Variants in LRP2 observed in about 807,000 individuals in gnomAD.
LRP2 encodes low-density lipoprotein receptor-related protein 2.
In LRP2, 172 loss-of-function variants were observed where a neutral mutation model predicts 531.0. The observed-to-expected ratio is 0.32, with a 90% CI of 0.29 to 0.37. The LOEUF is 0.37. Among genes scored for constraint, LRP2 ranks in the 10% least tolerant of loss-of-function variants. LRP2 has a pLI of 1.00. For synonymous variants in LRP2, 1,992 were observed against 2,027.6 expected, an observed-to-expected ratio of 0.98 and a Z score of 0.47; for missense variants, 5,167 against 5,868.3, an observed-to-expected ratio of 0.88 and a Z score of 3.90.
At chr2:169,315,600 C>T (rs1684736865) in intron 3 of LRP2, among the ~76,000 whole-genome samples, 2 of 152,148 alleles carry the variant, frequency 1.3e-5, no homozygotes, top group African/African-American at 2.4e-5. Flanking sequence ...GCAAGAATAG[C>T]AAATGATAGA....
rs1267326056 is a variant in LRP2 at position 169,206,654 on chromosome 2, G to A, written c.7066C>T (p.Leu2356Phe). 1 of 1,614,058 alleles carries A rather than the reference G, an allele frequency of 6.2e-7. No homozygotes were observed. The highest frequency in any genetic ancestry group is 1.3e-5 in the African/African-American group (1 of 74,924). Residue 2356 changes from leucine to phenylalanine, a missense_variant, in exon 39 of 79, where the codon CTC becomes TTC. Leu to Phe is a conservative substitution (Grantham distance 22). This residue lies in a region of LRP2 where 2,811 missense variants were observed against 3,058.0 expected (regional missense o/e 0.92). Transcript: ENST00000649046. ...TGCAATCCAGGCAGAGCAAAGCAGA[G>A]ATGAGAGCACCCACCATTGTTTTCC... ...CLENNGGCSHLCFALPGLHTP... is the reference protein window; with the variant it reads ...CLENNGGCSHFCFALPGLHTP...
chr2:169,149,247 T>A (rs1686035911), intron 68 of LRP2, among the ~76,000 whole-genome samples: 1 of 152,236 alleles, frequency 6.6e-6, no homozygotes, highest in Admixed American at 6.5e-5. Flanking sequence ...GAATAAATGT[T>A]GGCACTTCTC....
At position 169,139,259 on chromosome 2, in the gene LRP2, C is replaced by G. The variant is rs769261622; in HGVS notation, c.13380G>C (p.Lys4460Asn). The part of the protein sequence containing the change: ...RTGSLLPALP[K>N]LPSLSSLVKP... Reference sequence around the variant, plus strand: ...CCCATAATGAAACTGACCTTGGCAGCTTGGGCAGAGCAGGCAAAAGGGAGC... The same window carrying G: ...CCCATAATGAAACTGACCTTGGCAGGTTGGGCAGAGCAGGCAAAAGGGAGC... The change falls in exon 74 of 79, where the codon AAG (lysine) becomes AAC (asparagine). Residue 4460 changes from lysine to asparagine, a missense_variant. Around this residue, in one of 6 missense-constraint regions of LRP2, gnomAD observed 348 missense variants for 369.3 expected, o/e 0.94. Coordinates refer to ENST00000649046, the MANE Select transcript of LRP2 (RefSeq NM_004525.3). 4.2e-5 allele frequency: 68 copies of G among 1,614,054 alleles called. No individual in the cohort carries two copies. Among genetic ancestry groups the G allele is most frequent in the Non-Finnish European group, 5.6e-5 (66 of 1,180,020 alleles).
At chr2:169,165,653 T>C (rs1343595043) in intron 62 of LRP2, among the ~76,000 whole-genome samples, 1 of 152,218 alleles carries the variant, frequency 6.6e-6, no homozygotes, top group Non-Finnish European at 1.5e-5. Flanking sequence ...CAGTTTCTTA[T>C]GAGAAAAGAG....
At chr2:169,172,496 A>C (rs1357032653) in intron 57 of LRP2, among the ~76,000 whole-genome samples, 1 of 152,242 alleles carries the variant, frequency 6.6e-6, no homozygotes, top group Non-Finnish European at 1.5e-5. Flanking sequence ...AGAATTTAGT[A>C]TCTTCCTTAC....
In LRP2 at chr2:169,194,393, A is replaced by G. The variant is rs572137570; in HGVS notation, c.8699-501T>C. Among the ~76,000 whole-genome samples, 3 of 152,306 alleles carry G rather than the reference A, an allele frequency of 2.0e-5. No homozygotes were observed. The East Asian group carries it at 5.8e-4, about 29-fold the overall frequency. ...CTCCCCTCTTTAGAATATTAGCTCC[A>G]TGTGGGTAGGGATTGTTGTCTTATT... On this transcript the variant is annotated intron_variant, in intron 46 of 78. Transcript: ENST00000649046.
chr2:169,288,710 G>A (rs1286239427), intron 9 of LRP2, among the ~76,000 whole-genome samples: 1 of 152,136 alleles, frequency 6.6e-6, no homozygotes, highest in Non-Finnish European at 1.5e-5. Context: ...TAACCAGTAT[G>A]GCTGCACCAA....
intron 61 of LRP2, among the ~76,000 whole-genome samples, chr2:169,168,224 C>G (rs1373477398): frequency 6.6e-6 from 1 of 151,334 alleles, no homozygotes; most frequent in Non-Finnish European, 1.5e-5. Flanking sequence ...ACAGCCTCCT[C>G]CCTACCCTTC....
At position 169,193,847 on chromosome 2, in the gene LRP2, C is replaced by T. The variant is rs911864785; in HGVS notation, c.8744G>A (p.Gly2915Asp). Residue 2915 changes from glycine (G) to aspartate (D), a missense_variant, in exon 47 of 79, where the codon GGT (glycine) becomes GAT (aspartate). Around this residue, in one of 6 missense-constraint regions of LRP2, gnomAD observed 1,129 missense variants for 1,362.7 expected, o/e 0.83. Transcript: ENST00000649046. ...CCATTCGCTTGGGATGCACCTCCCA[C>T]CATCACACTTGAACTCATCAGCTAG... Reference protein sequence around the residue: ...TCLADEFKCDGGRCIPSEWIC... With the variant: ...TCLADEFKCDDGRCIPSEWIC... The T allele has an allele frequency of 6.2e-7, 1 of 1,614,038 alleles. No individual in the cohort carries two copies. The highest frequency in any genetic ancestry group is 8.5e-7 in the Non-Finnish European group (1 of 1,180,014).
chr2:169,197,611 A>G (rs540273123), intron 45 of LRP2, among the ~76,000 whole-genome samples: 2 of 152,310 alleles, frequency 1.3e-5, no homozygotes, highest in East Asian at 1.9e-4. Context: ...GCATTTTCCA[A>G]ATTGTTATGT....
At chr2:169,279,637 T>A in intron 11 of LRP2, 42 bp from the exon 12 acceptor site, 1 of 1,230,828 alleles carries the variant, frequency 8.1e-7, no homozygotes, top group Non-Finnish European at 1.2e-6. Context: ...TCAGCATCAC[T>A]AACTACGTGG....
chr2:169,318,750 C>G lies in LRP2; in HGVS notation c.310+12G>C, dbSNP rs1447059824. ...CACAAAGCCAAAGCAAGATTCCTCT[C>G]CAAACACTTACAGCAATCTTGACGT... On this transcript the variant is annotated intron_variant, in intron 3 of 78. Coordinates refer to ENST00000649046, the MANE Select transcript of LRP2 (RefSeq NM_004525.3). The G allele has an allele frequency of 6.2e-7, 1 of 1,613,948 alleles. No homozygotes were observed. Among genetic ancestry groups the G allele is most frequent in the Admixed American group, 1.7e-5 (1 of 59,990 alleles).
At chr2:169,133,489 G>C (rs1305114635) in intron 76 of LRP2, among the ~76,000 whole-genome samples, 4 of 152,158 alleles carry the variant, frequency 2.6e-5, no homozygotes, top group African/African-American at 9.7e-5. Flanking sequence ...CAGGGAAAAT[G>C]CTTTCAAGAT....
chr2:169,305,435 G>C (rs1267618427), intron 4 of LRP2, among the ~76,000 whole-genome samples: 2 of 152,202 alleles, frequency 1.3e-5, no homozygotes, highest in Non-Finnish European at 2.9e-5. Flanking sequence ...ACACAAGATA[G>C]TTCTTTTATC....
intron 44 of LRP2, among the ~76,000 whole-genome samples, chr2:169,200,046 C>T (rs1049013366): frequency 5.9e-5 from 9 of 152,006 alleles, no homozygotes; most frequent in Admixed American, 1.3e-4. Context: ...GTCAGGAGAT[C>T]GAGACCATCC....
chr2:169,208,927 T>C (rs1286975029), intron 38 of LRP2, among the ~76,000 whole-genome samples: 1 of 152,122 alleles, frequency 6.6e-6, no homozygotes, highest in Non-Finnish European at 1.5e-5. Context: ...TGTGCATGAA[T>C]AAATACAACT....
At position 169,206,032 on chromosome 2, in the gene LRP2, G is replaced by A; in HGVS notation, c.7547C>T (p.Pro2516Leu). The change falls in exon 40 of 79, where the codon CCC (proline) becomes CTC (leucine). Residue 2516 changes from proline to leucine, a missense_variant. Pro to Leu is a moderately conservative substitution (Grantham distance 98). Coordinates refer to ENST00000649046, the MANE Select transcript of LRP2 (RefSeq NM_004525.3). The part of the protein sequence containing the change: ...VPKPRAIVLD[P>L]CQGYLYWADW... ...GAAGATGATGGCATACCCTTGGCAGGGATCTAACACAATTGCTCTTGGTTT... is the reference window on the plus strand; with the variant it reads ...GAAGATGATGGCATACCCTTGGCAGAGATCTAACACAATTGCTCTTGGTTT... 1.2e-6 allele frequency: 2 copies of A among 1,614,198 alleles called. No individual in the cohort carries two copies. The highest frequency in any genetic ancestry group is 1.7e-6 in the Non-Finnish European group (2 of 1,180,040).
chr2:169,221,651 T>C (rs954994171), intron 33 of LRP2, among the ~76,000 whole-genome samples: 26 of 152,326 alleles, frequency 1.7e-4, no homozygotes, highest in African/African-American at 6.3e-4. Context: ...CTGTCTCTCA[T>C]ACATGCGTGT....
At chr2:169,255,418 G>A (rs569703492) in intron 19 of LRP2, among the ~76,000 whole-genome samples, 2 of 152,256 alleles carry the variant, frequency 1.3e-5, no homozygotes, top group Non-Finnish European at 2.9e-5. Context: ...ATGGGGAGCT[G>A]AGAAGACAGG....
Sources: allele counts gnomAD v4.1 joint callset (sites outside exome capture counted in the v4.1 genomes callset), GRCh38; gene constraint gnomAD v4.1.1; regional missense constraint gnomAD v4.1.1; transcripts MANE v1.5; gene names NCBI Gene and HGNC (gene_info 2026-07-23, HGNC 2026-07-21).